The following SH3D19 variants were observed in gnomAD, a reference collection of about 807,000 sequenced individuals.
SH3D19 encodes SH3 domain containing 19.
Under a neutral mutation model 112.1 loss-of-function variants are expected in SH3D19, and 58 were observed. That is an observed-to-expected ratio of 0.52 (90% CI 0.42 to 0.64). The LOEUF (loss-of-function observed/expected upper bound fraction) is 0.64, where lower values mean the gene tolerates loss of function less well. Among genes scored for constraint, SH3D19 ranks in the 30% least tolerant of loss-of-function variants. The pLI, the probability that SH3D19 is intolerant of heterozygous loss-of-function variation, is 0.00. For synonymous variants in SH3D19, 391 were observed against 448.5 expected, an observed-to-expected ratio of 0.87 and a Z score of 1.62; for missense variants, 1,090 against 1,263.4, an observed-to-expected ratio of 0.86 and a Z score of 2.08.
chr4:151,303,943 A>T (rs78021767), intron 1 of SH3D19, among the ~76,000 whole-genome samples: 3 of 146,542 alleles, frequency 2.0e-5, no homozygotes, highest in Non-Finnish European at 3.0e-5. Flanking sequence ...TTGCTCTCTC[A>T]TTTTTTTTTT....
intron 1 of SH3D19, among the ~76,000 whole-genome samples, chr4:151,321,638 A>G (rs1407305739): frequency 1.3e-5 from 2 of 152,222 alleles, no homozygotes; most frequent in Non-Finnish European, 2.9e-5. Flanking sequence ...AGCCAAAGGA[A>G]CTATTTCTTA....
intron 1 of SH3D19, among the ~76,000 whole-genome samples, chr4:151,230,661 C>T (rs1032037932): frequency 2.0e-5 from 3 of 150,518 alleles, no homozygotes; most frequent in Admixed American, 6.6e-5. Context: ...AGTGCAATCT[C>T]GGCTCACTGC....
At chr4:151,182,816 CT>C (rs1227344551) in intron 3 of SH3D19, among the ~76,000 whole-genome samples, 1 of 152,154 alleles carries the variant, frequency 6.6e-6, no homozygotes, top group Non-Finnish European at 1.5e-5. Context: ...AACAAATTTG[CT>C]GTAGTTGCCA....
rs1364149458 is a variant in SH3D19, at chr4:151,325,326, G to T, written c.27C>A (p.Asp9Glu). 8.2e-7 allele frequency: 1 copy of T among 1,216,982 alleles called. No individual in the cohort carries two copies. Among genetic ancestry groups the T allele is most frequent in the Non-Finnish European group, 1.0e-6 (1 of 978,400 alleles). The allele number at this position is 1,216,982 out of a possible 1,614,324, so 75.4% of individuals were successfully genotyped here. A position where few individuals can be genotyped will look rare whatever the true frequency, so the allele number is the denominator to read the frequency against. The change falls in exon 1 of 20, where the codon GAC becomes GAA. Residue 9 changes from aspartate (D) to glutamate (E), a missense_variant. Asp to Glu is a conservative substitution (Grantham distance 45). Transcript: ENST00000604030. MAEGRRRE[D>E]EEEELRERRE... ...GGCGCTCGCGTAGCTCTTCCTCCTCGTCCTCCCGCCGCCGGCCCTCAGCCA... is the reference window on the plus strand; with the variant it reads ...GGCGCTCGCGTAGCTCTTCCTCCTCTTCCTCCCGCCGCCGGCCCTCAGCCA...
At chr4:151,183,942 G>C (rs967457400) in intron 3 of SH3D19, among the ~76,000 whole-genome samples, 2 of 152,148 alleles carry the variant, frequency 1.3e-5, no homozygotes, top group African/African-American at 4.8e-5. Flanking sequence ...CATGTAAAAT[G>C]GGTCAACACC....
chr4:151,150,653 C>T (rs971619218), intron 9 of SH3D19, among the ~76,000 whole-genome samples: 16 of 151,602 alleles, frequency 1.1e-4, no homozygotes, highest in African/African-American at 3.6e-4. Context: ...AAAAGAGTTT[C>T]GTAGAAAAGA....
At chr4:151,244,139 G>A (rs915554782) in intron 1 of SH3D19, among the ~76,000 whole-genome samples, 2 of 152,098 alleles carry the variant, frequency 1.3e-5, no homozygotes, top group Admixed American at 6.6e-5. Context: ...ACCCTTAAGA[G>A]TCTATAGTAA....
At chr4:151,148,329 A>C in intron 10 of SH3D19, 143 bp from the exon 11 acceptor site, 1 of 870,778 alleles carries the variant, frequency 1.1e-6, no homozygotes, top group Non-Finnish European at 1.7e-6. Context: ...GTTTACTGAA[A>C]CATGCAGGGT....
chr4:151,123,341 A>G (rs1458730675), intron 19 of SH3D19, among the ~76,000 whole-genome samples: 1 of 152,144 alleles, frequency 6.6e-6, no homozygotes, highest in East Asian at 1.9e-4. Context: ...CTTTTTACTT[A>G]GAAAGGCTTT....
At chr4:151,267,173 T>TAAA (rs1448420586) in intron 1 of SH3D19, among the ~76,000 whole-genome samples, 1 of 112,872 alleles carries the variant, frequency 8.9e-6, no homozygotes, top group Non-Finnish European at 2.0e-5. Flanking sequence ...AAAAAAAAAA[T>TAAA]AAATAAAATA....
At chr4:151,276,846 T>A (rs1773669186) in intron 1 of SH3D19, among the ~76,000 whole-genome samples, 1 of 152,218 alleles carries the variant, frequency 6.6e-6, no homozygotes. Context: ...GTCCACCTTC[T>A]ATCTCCTTGC....
intron 1 of SH3D19, among the ~76,000 whole-genome samples, chr4:151,313,596 T>C (rs1729709653): frequency 6.6e-6 from 1 of 152,080 alleles, no homozygotes; most frequent in Non-Finnish European, 1.5e-5. Flanking sequence ...TATTTTATTT[T>C]TTATAAAGTC....
chr4:151,186,707 G>A (rs1317246689), intron 3 of SH3D19, among the ~76,000 whole-genome samples: 1 of 151,934 alleles, frequency 6.6e-6, no homozygotes, highest in Non-Finnish European at 1.5e-5. Flanking sequence ...AAAGTGCTGG[G>A]ATTACAGGCA....
chr4:151,201,561 A>C (rs1428247845), intron 2 of SH3D19, among the ~76,000 whole-genome samples: 1 of 152,224 alleles, frequency 6.6e-6, no homozygotes, highest in African/African-American at 2.4e-5. Flanking sequence ...ACAATTTTTT[A>C]AACAGGCGAT....
intron 1 of SH3D19, among the ~76,000 whole-genome samples, chr4:151,307,675 T>C (rs17634012): frequency 0.31 from 47,211 of 152,180 alleles, 7,711 homozygotes; most frequent in East Asian, 0.47. Context: ...GTGCAGCAGC[T>C]CAAAGCCTGG....
Position 151,310,240 on chromosome 4 carries a change from G to T in SH3D19, c.112+15001C>A, listed in dbSNP as rs772364642. On this transcript the variant is annotated intron_variant, in intron 1 of 19. Transcript: ENST00000604030. The stretch of plus-strand genomic sequence containing the variant: ...AAAAAAAAAAAAAAAAATTACTGGT[G>T]GTGCACACCTGTAGTCCCAGCTACT... 7.3e-4 allele frequency among the ~76,000 whole-genome samples: 110 copies of T among 151,250 alleles called. 1 individual carries two copies. The highest frequency in any genetic ancestry group is 1.1e-3 in the Non-Finnish European group (76 of 67,898).
At chr4:151,247,616 A>T (rs1771035486) in intron 1 of SH3D19, among the ~76,000 whole-genome samples, 1 of 152,188 alleles carries the variant, frequency 6.6e-6, no homozygotes, top group African/African-American at 2.4e-5. Context: ...ATTTTAGAAC[A>T]TTCCCATCAC....
intron 9 of SH3D19, among the ~76,000 whole-genome samples, chr4:151,152,516 CTTTTTTT>C (rs1177292502): frequency 3.1e-5 from 4 of 127,252 alleles, no homozygotes; most frequent in African/African-American, 9.5e-5. Flanking sequence ...CTCTCTCTCT[CTTTTTTT>C]TTTTTTTTTT....
chr4:151,166,178 C>T (rs1259781820), intron 7 of SH3D19: 1 of 152,184 alleles, frequency 6.6e-6, no homozygotes, highest in African/African-American at 2.4e-5. Context: ...TAGCAGTCTC[C>T]GATTTAGTAG....
Sources: allele counts gnomAD v4.1 joint callset (sites outside exome capture counted in the v4.1 genomes callset), GRCh38; gene constraint gnomAD v4.1.1; transcripts MANE v1.5; gene names NCBI Gene and HGNC (gene_info 2026-07-23, HGNC 2026-07-21).